Variants in AHDC1 observed in about 807,000 individuals in gnomAD.
AHDC1 encodes transcription factor Gibbin.
In AHDC1, 7 loss-of-function variants were observed where a neutral mutation model predicts 87.9. That is an observed-to-expected ratio of 0.08 (90% CI 0.05 to 0.15). The LOEUF (loss-of-function observed/expected upper bound fraction) is 0.15. AHDC1 is among the 10% of genes least tolerant of loss of function. The pLI is 1.00. For missense variants in AHDC1, 1,841 were observed against 2,253.2 expected, an observed-to-expected ratio of 0.82 and a Z score of 3.70; for synonymous variants, 1,051 against 1,006.8, an observed-to-expected ratio of 1.04 and a Z score of -0.83.
In AHDC1 at chr1:27,604,107, T is replaced by A. The variant is rs1359695420; in HGVS notation, c.-864A>T. The A allele has an allele frequency of 6.4e-6, 1 of 156,544 alleles. No homozygotes were observed. The highest frequency in any genetic ancestry group is 2.4e-5 in the African/African-American group (1 of 41,428). 9.7% of individuals were successfully genotyped at this position (156,544 alleles called of 1,614,324 possible). On this transcript the variant is annotated splice_region_variant and 5_prime_UTR_variant, in exon 1 of 9. Transcript: ENST00000673934. ...GTCTCTCGCCCTCGCCCTGCCTGCCTGCCTCTCTCCGTCTCCGCCGCCGCC... is the reference window on the plus strand; with the variant it reads ...GTCTCTCGCCCTCGCCCTGCCTGCCAGCCTCTCTCCGTCTCCGCCGCCGCC...
intron 3 of AHDC1, among the ~76,000 whole-genome samples, chr1:27,599,883 C>T (rs1461042732): frequency 3.3e-5 from 5 of 151,930 alleles, no homozygotes; most frequent in Non-Finnish European, 7.4e-5. Context: ...CTCCCTCCTC[C>T]TGTGAGAGTC....
intron 8 of AHDC1, among the ~76,000 whole-genome samples, chr1:27,541,001 T>TAAAAAAAAAAAAAA (rs55912405): frequency 1.4e-4 from 10 of 72,388 alleles, no homozygotes; most frequent in East Asian, 4.9e-4. Flanking sequence ...CTAAAAATGC[T>TAAAAAAAAAAAAAA]AAAAAAAAAA....
chr1:27,583,499 T>C lies in AHDC1; in HGVS notation c.-629+19898A>G, dbSNP rs114852681. Among the ~76,000 whole-genome samples, 1,467 of 152,300 alleles carry C rather than the reference T, an allele frequency of 9.6e-3. 21 individuals carry two copies. Among genetic ancestry groups the C allele is most frequent in the African/African-American group, 0.033 (1,369 of 41,564 alleles). ...GAAAACCCACTCGGGGAGTGTATGT[T>C]GATTTGGTTCATTCTCTAATTGTTT... is the stretch of plus-strand genomic sequence containing the variant. On this transcript the variant is annotated intron_variant, in intron 3 of 8. Coordinates refer to ENST00000673934, the MANE Select transcript of AHDC1 (RefSeq NM_001371928.1).
At chr1:27,589,875 C>A (rs970757571) in intron 3 of AHDC1, among the ~76,000 whole-genome samples, 1 of 152,090 alleles carries the variant, frequency 6.6e-6, no homozygotes, top group Non-Finnish European at 1.5e-5. Context: ...GGGCCAGGGC[C>A]AGGCACCGGC....
intron 3 of AHDC1, among the ~76,000 whole-genome samples, chr1:27,567,823 C>T (rs993079786): frequency 6.6e-6 from 1 of 152,196 alleles, no homozygotes; most frequent in African/African-American, 2.4e-5. Context: ...TTGGGGTTCT[C>T]GTCCAGATTT....
At chr1:27,578,603 A>C (rs1249921564) in intron 3 of AHDC1, among the ~76,000 whole-genome samples, 5 of 152,100 alleles carry the variant, frequency 3.3e-5, no homozygotes, top group Non-Finnish European at 7.4e-5. Context: ...AAAAAAAGAA[A>C]GATAAATTGT....
In AHDC1 at chr1:27,547,812, C is replaced by G; in HGVS notation, c.4304G>C (p.Gly1435Ala). 1 of 1,552,708 alleles carries G rather than the reference C, an allele frequency of 6.4e-7. No individual in the cohort carries two copies. Among genetic ancestry groups the G allele is most frequent in the Non-Finnish European group, 8.7e-7 (1 of 1,147,638 alleles). Residue 1435 changes from glycine to alanine, a missense_variant, in exon 8 of 9, where the codon GGC becomes GCC. By Grantham distance (60) the Gly-to-Ala change is moderately conservative. Transcript: ENST00000673934. This position sits in a 1 kb window ranked among gnomAD's most constrained non-coding sequence, Gnocchi z 4.9. ...GTGGGCCTGGGCTGCAGCTGCGTGGCCCAGGCTGGCCCCCTGGAGTCCATG... is the reference window on the plus strand; with the variant it reads ...GTGGGCCTGGGCTGCAGCTGCGTGGGCCAGGCTGGCCCCCTGGAGTCCATG... ...LKHGLQGASL[G>A]HAAAAQAHLS...
intron 3 of AHDC1, among the ~76,000 whole-genome samples, chr1:27,592,466 A>G (rs927831421): frequency 2.6e-5 from 4 of 152,152 alleles, no homozygotes; most frequent in African/African-American, 9.7e-5. Context: ...AGGGGTGCGG[A>G]GCTGGGGGCC....
In AHDC1 at chr1:27,603,816, C is replaced by G. The variant is rs1039420197; in HGVS notation, c.-815G>C. On this transcript the variant is annotated 5_prime_UTR_variant, in exon 2 of 9. Transcript: ENST00000673934. Reference sequence around the variant, plus strand: ...TCTCTCTGGCTGTCTGTCTGTCTCTCAGACTGTCTCTATTTCTCGCTCTCT... The same window carrying G: ...TCTCTCTGGCTGTCTGTCTGTCTCTGAGACTGTCTCTATTTCTCGCTCTCT... 1.4e-4 allele frequency: 22 copies of G among 152,354 alleles called. No individual in the cohort carries two copies. Among genetic ancestry groups the G allele is most frequent in the African/African-American group, 5.1e-4 (21 of 41,452 alleles). The allele number at this position is 152,354 out of a possible 1,614,324, so 9.4% of individuals were successfully genotyped here. A position where few individuals can be genotyped will look rare whatever the true frequency, so the allele number is the denominator to read the frequency against.
intron 3 of AHDC1, among the ~76,000 whole-genome samples, chr1:27,579,283 C>G (rs1363746837): frequency 6.6e-6 from 1 of 152,092 alleles, no homozygotes; most frequent in East Asian, 1.9e-4. Context: ...TGGCTTTGGA[C>G]TAAAGCTTTG....
Position 27,549,532 on chromosome 1 carries a change from G to A in AHDC1, c.2584C>T (p.Pro862Ser), listed in dbSNP as rs919435326. The A allele has an allele frequency of 6.2e-7, 1 of 1,613,196 alleles. No individual in the cohort carries two copies. The highest frequency in any genetic ancestry group is 1.3e-5 in the African/African-American group (1 of 74,934). The change falls in exon 8 of 9, where the codon CCA becomes TCA. Residue 862 changes from proline (P) to serine (S), a missense_variant. Pro to Ser is a moderately conservative substitution (Grantham distance 74). Transcript: ENST00000673934. Reference sequence around the variant, plus strand: ...GTGCCCGATGCCTTCCGGGACTCTGGGCGAGAGGCTGAGAGGGCAAAGTCC... The same window carrying A: ...GTGCCCGATGCCTTCCGGGACTCTGAGCGAGAGGCTGAGAGGGCAAAGTCC... ...LLDFALSASR[P>S]ESRKASGTYA...
Position 27,563,764 on chromosome 1 carries a change from T to A in AHDC1, c.-628-4881A>T, listed in dbSNP as rs2020202178. ...CACCAGGAGGGGAGGTGCTGTGGCTTCCCGCCCAGTGGCGGGTGCTGGGGG... is the reference window on the plus strand; with the variant it reads ...CACCAGGAGGGGAGGTGCTGTGGCTACCCGCCCAGTGGCGGGTGCTGGGGG... On this transcript the variant is annotated intron_variant, in intron 3 of 8. Coordinates refer to ENST00000673934, the MANE Select transcript of AHDC1 (RefSeq NM_001371928.1). This position sits in a 1 kb window ranked among gnomAD's most constrained non-coding sequence, Gnocchi z 6.1. 6.6e-6 allele frequency among the ~76,000 whole-genome samples: 1 copy of A among 152,114 alleles called. No homozygotes were observed. The highest frequency in any genetic ancestry group is 2.1e-4 in the South Asian group (1 of 4,832).
Position 27,556,992 on chromosome 1 carries a change from C to A in AHDC1, c.-225+1313G>T, listed in dbSNP as rs1333373684. Among the ~76,000 whole-genome samples, 4 of 149,804 alleles carry A rather than the reference C, an allele frequency of 2.7e-5. No homozygotes were observed. In the South Asian group the frequency reaches 6.3e-4, roughly 24 times the overall value. On this transcript the variant is annotated intron_variant, in intron 5 of 8. Transcript: ENST00000673934. ...CCCCCTGGGGCCATCAGGGCCCCCCCACAGCACAGCACAGCAGTGCACACC... is the reference window on the plus strand; with the variant it reads ...CCCCCTGGGGCCATCAGGGCCCCCCAACAGCACAGCACAGCAGTGCACACC...
At chr1:27,571,475 G>C (rs1349586085) in intron 3 of AHDC1, among the ~76,000 whole-genome samples, 2 of 152,086 alleles carry the variant, frequency 1.3e-5, no homozygotes, top group Non-Finnish European at 2.9e-5. Context: ...GTCAGGTGGG[G>C]TCAGACCGGA....
At chr1:27,575,031 G>A (rs1240204561) in intron 3 of AHDC1, among the ~76,000 whole-genome samples, 7 of 152,336 alleles carry the variant, frequency 4.6e-5, no homozygotes, top group Admixed American at 2.0e-4. Context: ...GCAGTTGGGA[G>A]GCGGGGCGGG....
intron 3 of AHDC1, among the ~76,000 whole-genome samples, chr1:27,580,090 A>G (rs2088864602): frequency 6.6e-6 from 1 of 152,264 alleles, no homozygotes; most frequent in Middle Eastern, 3.4e-3. Flanking sequence ...CCCTAGAGAG[A>G]TCAAGGCCCA....
chr1:27,559,636 G>T, intron 3 of AHDC1, among the ~76,000 whole-genome samples: 1 of 152,254 alleles, frequency 6.6e-6, no homozygotes, highest in South Asian at 2.1e-4. Context: ...TGACAATGCA[G>T]ATGTGAGAGG....
chr1:27,568,450 C>T (rs896470453), intron 3 of AHDC1, among the ~76,000 whole-genome samples: 1 of 152,132 alleles, frequency 6.6e-6, no homozygotes, highest in Non-Finnish European at 1.5e-5. Context: ...AGGTCGCTCG[C>T]GTGTTCAGCC....
rs143794200 is a variant in AHDC1, at chr1:27,550,508, G to A, written c.1608C>T (p.Pro536=). The A allele has an allele frequency of 7.5e-4, 1,204 of 1,608,752 alleles. 8 individuals carry two copies. The East Asian group carries it at 0.016, about 22-fold the overall frequency. The change falls in exon 8 of 9, where the codon CCC becomes CCT. Residue 536 remains proline, a synonymous_variant. Transcript: ENST00000673934. ...GTTTGAGAATAATGGGCATCTCACC[G>A]GGTGGGAAGACCACTACCACGTTCC... is the stretch of plus-strand genomic sequence containing the variant. ...NGRNVVVVFP[P]GEMPIILKRK... is the part of the protein sequence containing the mutation.
Sources: gnomAD v4.1 joint callset for allele counts (sites outside exome capture counted in the v4.1 genomes callset) on GRCh38, gnomAD v4.1.1 for gene constraint, Gnocchi (gnomAD v3.1) non-coding constraint, MANE v1.5 for transcripts, NCBI Gene and HGNC (gene_info 2026-07-23, HGNC 2026-07-21) for gene names.